P2RY6: variants seen among roughly 807,000 people sequenced by gnomAD.
The protein encoded by P2RY6 is pyrimidinergic receptor P2Y6, also known as P2Y purinoceptor 6.
P2RY6 carries 19 observed loss-of-function variants against 16.3 expected under a neutral mutation model. The observed-to-expected ratio is 1.16, with a 90% CI of 0.81 to 1.71. The LOEUF (loss-of-function observed/expected upper bound fraction) is 1.71, where lower values mean the gene tolerates loss of function less well. Among genes scored for constraint, P2RY6 ranks in the 40% most tolerant of loss-of-function variants. The pLI, the probability that P2RY6 is intolerant of heterozygous loss-of-function variation, is 0.00. For synonymous variants in P2RY6, 184 were observed against 201.5 expected (o/e 0.91, Z 0.74); for missense variants, 389 against 455.5 (o/e 0.85, Z 1.33).
chr11:73,288,685 T>C (rs950148394), intron 1 of P2RY6, among the ~76,000 whole-genome samples: 6 of 152,138 alleles, frequency 3.9e-5, no homozygotes, highest in Non-Finnish European at 8.8e-5. Context: ...AGAGTCAGGA[T>C]TGGGTTGATG....
chr11:73,271,820 A>G (rs1863324418), upstream of P2RY6: 1 of 152,078 alleles, frequency 6.6e-6, no homozygotes, highest in Non-Finnish European at 1.5e-5. Context: ...TGCCATCCTC[A>G]TCCCTGGGTG....
At chr11:73,287,500 G>A (rs1864015513) in intron 1 of P2RY6, among the ~76,000 whole-genome samples, 1 of 152,248 alleles carries the variant, frequency 6.6e-6, no homozygotes, top group African/African-American at 2.4e-5. Flanking sequence ...GTCATCATAA[G>A]AGGGGGTCTG....
At chr11:73,288,602 C>A (rs1218580099) in intron 1 of P2RY6, among the ~76,000 whole-genome samples, 1 of 152,178 alleles carries the variant, frequency 6.6e-6, no homozygotes, top group Non-Finnish European at 1.5e-5. Flanking sequence ...GAGGCACTGG[C>A]TTTAGGAATC....
intron 1 of P2RY6, among the ~76,000 whole-genome samples, chr11:73,280,341 C>G (rs1477457885): frequency 2.6e-5 from 4 of 152,172 alleles, no homozygotes; most frequent in African/African-American, 9.7e-5. Flanking sequence ...TGGGGCAATG[C>G]ACATCTGGCA....
At chr11:73,294,481 T>A (rs1482626201) in intron 1 of P2RY6, among the ~76,000 whole-genome samples, 1 of 152,248 alleles carries the variant, frequency 6.6e-6, no homozygotes, top group African/African-American at 2.4e-5. Flanking sequence ...TAATCCTGGC[T>A]TCCTGGCTAT....
At chr11:73,273,077 C>T (rs549458479) in intron 1 of P2RY6, among the ~76,000 whole-genome samples, 5 of 148,330 alleles carry the variant, frequency 3.4e-5, no homozygotes, top group South Asian at 2.1e-4. Context: ...GAGCTGGCCC[C>T]GTGAGAGTGG....
intron 1 of P2RY6, among the ~76,000 whole-genome samples, chr11:73,281,162 G>A (rs983101230): frequency 6.6e-6 from 1 of 152,170 alleles, no homozygotes; most frequent in African/African-American, 2.4e-5. Flanking sequence ...GGGATTAGAG[G>A]ACAGCGGGCT....
intron 1 of P2RY6, chr11:73,292,835 A>T (rs1232265256): frequency 1.0e-5 from 10 of 984,902 alleles, no homozygotes; most frequent in Non-Finnish European, 8.4e-6. Flanking sequence ...AGCTGAGGGC[A>T]GGAGAGTGGG....
chr11:73,297,485 T>A lies in P2RY6; in HGVS notation c.967T>A (p.Trp323Arg). The change falls in exon 3 of 3, where the codon TGG becomes AGG. Residue 323 changes from tryptophan (W) to arginine (R), a missense_variant. Trp to Arg is a moderately radical substitution (Grantham distance 101). Transcript: ENST00000540124. ...HELLQKLTAK[W>R]QRQGR is the part of the protein sequence containing the mutation. Reference sequence around the variant, plus strand: ...GCTCCTACAGAAACTCACAGCCAAATGGCAGAGGCAGGGTCGCTGAGTCCT... The same window carrying A: ...GCTCCTACAGAAACTCACAGCCAAAAGGCAGAGGCAGGGTCGCTGAGTCCT... The A allele has an allele frequency of 1.9e-6, 3 of 1,608,730 alleles. No individual in the cohort carries two copies. Among genetic ancestry groups the A allele is most frequent in the Non-Finnish European group, 2.6e-6 (3 of 1,176,368 alleles).
upstream of P2RY6, among the ~76,000 whole-genome samples, chr11:73,268,482 C>T (rs1187482358): frequency 6.6e-6 from 1 of 152,202 alleles, no homozygotes; most frequent in Admixed American, 6.5e-5. Context: ...CAAATTTAGC[C>T]AGGCGTAGTA....
At position 73,292,753 on chromosome 11, in the gene P2RY6, G is replaced by T. The variant is rs965131854; in HGVS notation, c.-120-2977G>T. On this transcript the variant is annotated intron_variant, in intron 1 of 2. Coordinates refer to ENST00000540124, the MANE Select transcript of P2RY6 (RefSeq NM_001277204.2). ...CAGGGAGCCGGTGGCCCCCACAGGG[G>T]CTCTTTTAGTCAGAGACAGCCCTGC... The T allele has an allele frequency of 4.1e-6, 4 of 981,716 alleles. No individual in the cohort carries two copies. In the African/African-American group the frequency reaches 7.0e-5, roughly 17 times the overall value. The allele number at this position is 981,716 out of a possible 1,614,324, so 60.8% of individuals were successfully genotyped here. A position where few individuals can be genotyped will look rare whatever the true frequency, so the allele number is the denominator to read the frequency against.
At chr11:73,294,574 A>C (rs990007806) in intron 1 of P2RY6, among the ~76,000 whole-genome samples, 1 of 152,244 alleles carries the variant, frequency 6.6e-6, no homozygotes, top group African/African-American at 2.4e-5. Flanking sequence ...CACCCCTAGC[A>C]TATGGGCTAA....
intron 1 of P2RY6, among the ~76,000 whole-genome samples, chr11:73,278,086 A>G (rs1025926334): frequency 4.6e-5 from 7 of 152,332 alleles, no homozygotes; most frequent in Admixed American, 6.5e-5. Context: ...ATTCACTGGT[A>G]CTAAGTATAC....
upstream of P2RY6, among the ~76,000 whole-genome samples, chr11:73,267,612 A>G (rs1413950022): frequency 6.6e-6 from 1 of 152,194 alleles, no homozygotes; most frequent in Non-Finnish European, 1.5e-5. Context: ...TGGAGCCAGC[A>G]GGAGCAGCAT....
upstream of P2RY6, among the ~76,000 whole-genome samples, chr11:73,267,638 A>T (rs996696765): frequency 6.6e-6 from 1 of 152,226 alleles, no homozygotes; most frequent in Non-Finnish European, 1.5e-5. Context: ...ATGCACAGCC[A>T]TGTCTGAACT....
intron 1 of P2RY6, among the ~76,000 whole-genome samples, chr11:73,285,925 G>A (rs1442940802): frequency 1.3e-5 from 2 of 152,248 alleles, no homozygotes; most frequent in African/African-American, 2.4e-5. Context: ...CCAGAGGCAA[G>A]CTGGACTGGT....
chr11:73,289,815 A>C (rs1864125528), intron 1 of P2RY6, among the ~76,000 whole-genome samples: 1 of 152,190 alleles, frequency 6.6e-6, no homozygotes, highest in Non-Finnish European at 1.5e-5. Flanking sequence ...TGGAAAACTC[A>C]CTGGCCCTTC....
intron 1 of P2RY6, among the ~76,000 whole-genome samples, chr11:73,279,964 G>C (rs1199140821): frequency 6.6e-6 from 1 of 152,192 alleles, no homozygotes; most frequent in African/African-American, 2.4e-5. Context: ...TGAGGGGCCT[G>C]GGAGAAGTAG....
chr11:73,282,752 T>C (rs12796417), intron 1 of P2RY6, among the ~76,000 whole-genome samples: 5,524 of 151,838 alleles, frequency 0.036, 137 homozygotes, highest in Middle Eastern at 0.088. Flanking sequence ...GCACGGCAAA[T>C]GAATGAATGA....
Sources: gnomAD v4.1 joint callset for allele counts (sites outside exome capture counted in the v4.1 genomes callset) on GRCh38, gnomAD v4.1.1 for gene constraint, MANE v1.5 for transcripts, NCBI Gene and HGNC (gene_info 2026-07-23, HGNC 2026-07-21) for gene names.